The following AGBL4 variants were observed in gnomAD, a reference collection of about 807,000 sequenced individuals.
AGBL4 encodes the protein cytosolic carboxypeptidase 6.
AGBL4 carries 58 observed loss-of-function variants against 66.4 expected under a neutral mutation model. That is an observed-to-expected ratio of 0.87 (90% CI 0.71 to 1.09). The LOEUF (loss-of-function observed/expected upper bound fraction) is 1.09, where lower values mean the gene tolerates loss of function less well. Ranked by LOEUF, AGBL4 falls within the 50% of genes least tolerant of loss-of-function variation. The pLI is 0.00. For missense variants in AGBL4, 579 were observed against 631.0 expected (o/e 0.92, Z 0.88); for synonymous variants, 234 against 222.9 (o/e 1.05, Z -0.44).
intron 1 of AGBL4, among the ~76,000 whole-genome samples, chr1:49,853,553 A>G (rs1288309103): frequency 1.3e-5 from 2 of 152,126 alleles, no homozygotes; most frequent in Non-Finnish European, 2.9e-5. Context: ...CAAGGATATG[A>G]GAGTAAGAAT....
chr1:49,618,794 TG>T (rs1645300432), intron 3 of AGBL4, among the ~76,000 whole-genome samples: 1 of 152,192 alleles, frequency 6.6e-6, no homozygotes, highest in Non-Finnish European at 1.5e-5. Context: ...GCTTCATCCC[TG>T]GGATGCAAGG....
At chr1:49,862,564 AC>A (rs1014772224) in intron 1 of AGBL4, among the ~76,000 whole-genome samples, 1 of 152,164 alleles carries the variant, frequency 6.6e-6, no homozygotes, top group Admixed American at 6.5e-5. Context: ...ATGAGATTTA[AC>A]CCAAAGAAGG....
chr1:50,018,598 T>G (rs1159777172), intron 1 of AGBL4, among the ~76,000 whole-genome samples: 1 of 152,120 alleles, frequency 6.6e-6, no homozygotes, highest in Non-Finnish European at 1.5e-5. Flanking sequence ...TTATTTAGAA[T>G]ATATATGCAA....
chr1:49,439,760 G>C (rs1184632676), intron 3 of AGBL4, among the ~76,000 whole-genome samples: 1 of 152,166 alleles, frequency 6.6e-6, no homozygotes, highest in African/African-American at 2.4e-5. Context: ...CATGCTTGCT[G>C]CTTCCTGCCC....
At chr1:48,627,403 G>A (rs925233599) in intron 9 of AGBL4, among the ~76,000 whole-genome samples, 17 of 152,006 alleles carry the variant, frequency 1.1e-4, no homozygotes, top group Admixed American at 5.2e-4. Flanking sequence ...GCTATGTTGC[G>A]TGCTTGTGTG....
At chr1:49,443,988 AT>A (rs1422083668) in intron 3 of AGBL4, among the ~76,000 whole-genome samples, 1 of 151,724 alleles carries the variant, frequency 6.6e-6, no homozygotes, top group African/African-American at 2.4e-5. Flanking sequence ...GTTTCAAGAA[AT>A]TTTTTTAGCT....
At chr1:48,731,672 T>C (rs199821594) in intron 6 of AGBL4, among the ~76,000 whole-genome samples, 4 of 152,258 alleles carry the variant, frequency 2.6e-5, no homozygotes, top group Admixed American at 6.5e-5. Context: ...GGAAAAGTAT[T>C]TGCAAATTCC....
intron 4 of AGBL4, among the ~76,000 whole-genome samples, chr1:49,172,647 T>C (rs1047570529): frequency 7.2e-5 from 11 of 152,242 alleles, no homozygotes; most frequent in Non-Finnish European, 1.2e-4. Flanking sequence ...TGTTGTCCCA[T>C]GAATAATAAA....
At chr1:49,494,572 A>G (rs928645943) in intron 3 of AGBL4, among the ~76,000 whole-genome samples, 4 of 151,672 alleles carry the variant, frequency 2.6e-5, no homozygotes, top group African/African-American at 4.8e-5. Flanking sequence ...ATGATTTCCA[A>G]TTTCATCCAT....
chr1:49,770,429 T>A (rs2147881764), intron 2 of AGBL4, among the ~76,000 whole-genome samples: 1 of 152,324 alleles, frequency 6.6e-6, no homozygotes, highest in East Asian at 1.9e-4. Context: ...TTTGCCGGTG[T>A]CTTTTTGATA....
At chr1:49,325,368 C>T (rs1645209621) in intron 3 of AGBL4, among the ~76,000 whole-genome samples, 2 of 152,158 alleles carry the variant, frequency 1.3e-5, no homozygotes, top group Admixed American at 1.3e-4. Flanking sequence ...TGCATGTCTG[C>T]TTCTTAAGGA....
intron 4 of AGBL4, among the ~76,000 whole-genome samples, chr1:49,181,793 C>A (rs1646935141): frequency 1.3e-5 from 2 of 152,164 alleles, no homozygotes; most frequent in African/African-American, 4.8e-5. Flanking sequence ...AGCTCCAAAC[C>A]AATGAAGGCC....
chr1:49,416,225 T>C (rs1645423694), intron 3 of AGBL4, among the ~76,000 whole-genome samples: 1 of 152,130 alleles, frequency 6.6e-6, no homozygotes, highest in Non-Finnish European at 1.5e-5. Flanking sequence ...TATTTATACA[T>C]GTGGTAATAT....
chr1:49,726,324 GGA>G (rs975544901), intron 2 of AGBL4, among the ~76,000 whole-genome samples: 6 of 152,126 alleles, frequency 3.9e-5, no homozygotes, highest in Non-Finnish European at 8.8e-5. Context: ...AAATGATAAA[GGA>G]GATGCAAGAG....
chr1:49,703,487 T>C (rs1312249022), intron 2 of AGBL4, among the ~76,000 whole-genome samples: 8 of 151,270 alleles, frequency 5.3e-5, no homozygotes, highest in Non-Finnish European at 7.4e-5. Context: ...CAGTAGATGC[T>C]GAAAAAACAT....
chr1:49,653,770 G>T (rs369259335), intron 3 of AGBL4, among the ~76,000 whole-genome samples: 1 of 151,518 alleles, frequency 6.6e-6, no homozygotes, highest in East Asian at 2.0e-4. Context: ...GATGAGATTA[G>T]AGAAAAAAGA....
chr1:49,297,280 G>C (rs962711256), intron 3 of AGBL4, among the ~76,000 whole-genome samples: 1 of 152,226 alleles, frequency 6.6e-6, no homozygotes, highest in African/African-American at 2.4e-5. Flanking sequence ...TGAAGGATGA[G>C]TAGGATTTAT....
intron 5 of AGBL4, among the ~76,000 whole-genome samples, chr1:48,881,221 T>C (rs1649750548): frequency 6.6e-6 from 1 of 152,210 alleles, no homozygotes; most frequent in Non-Finnish European, 1.5e-5. Context: ...AGATAAAGAT[T>C]TTACTTTAGC....
chr1:49,859,582 T>C (rs1409811987), intron 1 of AGBL4, among the ~76,000 whole-genome samples: 1 of 152,164 alleles, frequency 6.6e-6, no homozygotes, highest in African/African-American at 2.4e-5. Context: ...CGGAATTCCT[T>C]GACATGATAA....
Sources: gnomAD v4.1 joint callset for allele counts (sites outside exome capture counted in the v4.1 genomes callset) on GRCh38, gnomAD v4.1.1 for gene constraint, MANE v1.5 for transcripts, NCBI Gene and HGNC (gene_info 2026-07-23, HGNC 2026-07-21) for gene names.